ITGA9: variants seen among roughly 807,000 people sequenced by gnomAD.
The protein encoded by ITGA9 is integrin subunit alpha 9, also known as integrin alpha-9.
In ITGA9, 56 loss-of-function variants were observed where a neutral mutation model predicts 127.8. The ratio of observed to expected loss-of-function variants is 0.44; its 90% CI spans 0.35 to 0.55. ITGA9 has a LOEUF of 0.55. ITGA9 is among the 20% of genes least tolerant of loss of function. The pLI is 0.00. For missense variants in ITGA9, 1,196 were observed against 1,347.1 expected, an observed-to-expected ratio of 0.89 and a Z score of 1.76; for synonymous variants, 508 against 514.5, an observed-to-expected ratio of 0.99 and a Z score of 0.17.
chr3:37,592,300 A>G (rs1371570187), intron 15 of ITGA9, among the ~76,000 whole-genome samples: 1 of 152,170 alleles, frequency 6.6e-6, no homozygotes, highest in Non-Finnish European at 1.5e-5. Context: ...GTGTCAGTCA[A>G]ATAAGGCTAT....
At chr3:37,622,579 A>T (rs1269588304) in intron 15 of ITGA9, among the ~76,000 whole-genome samples, 1 of 152,160 alleles carries the variant, frequency 6.6e-6, no homozygotes, top group Non-Finnish European at 1.5e-5. Context: ...GCAGTGGCTT[A>T]TATCTGCAAT....
At chr3:37,570,634 A>G (rs1699591120) in intron 15 of ITGA9, among the ~76,000 whole-genome samples, 1 of 152,208 alleles carries the variant, frequency 6.6e-6, no homozygotes, top group Non-Finnish European at 1.5e-5. Context: ...GAACATTTGC[A>G]CCTTTCACCA....
rs952194800 is a variant in ITGA9, at chr3:37,688,658, G to A, written c.2067+4643G>A. On this transcript the variant is annotated intron_variant, in intron 18 of 27. Transcript: ENST00000264741. The stretch of plus-strand genomic sequence containing the variant: ...CCCCACATACTCACTTGAATCAGTC[G>A]CCACTTAATACCAAAGCTGCCTTTA... Among the ~76,000 whole-genome samples the A allele has an allele frequency of 4.6e-5, 7 of 151,964 alleles. No homozygotes were observed. The East Asian group carries it at 5.8e-4, about 13-fold the overall frequency.
chr3:37,614,281 G>A (rs1380910242), intron 15 of ITGA9, among the ~76,000 whole-genome samples: 2 of 152,048 alleles, frequency 1.3e-5, no homozygotes, highest in Non-Finnish European at 2.9e-5. Context: ...TTGTAGATAT[G>A]CGGCATTATT....
intron 16 of ITGA9, among the ~76,000 whole-genome samples, chr3:37,642,106 T>TA (rs1434046893): frequency 1.5e-4 from 22 of 150,174 alleles, no homozygotes; most frequent in South Asian, 6.3e-4. Context: ...CCTGGCTATT[T>TA]AAAAAAAAAA....
intron 27 of ITGA9, among the ~76,000 whole-genome samples, chr3:37,810,223 A>T (rs6801018): frequency 0.039 from 5,869 of 152,264 alleles, 152 homozygotes; most frequent in Middle Eastern, 0.078. Flanking sequence ...GTGAATCGTG[A>T]CATGGTACTG....
chr3:37,602,094 C>G (rs1403684950), intron 15 of ITGA9, among the ~76,000 whole-genome samples: 1 of 152,140 alleles, frequency 6.6e-6, no homozygotes, highest in East Asian at 1.9e-4. Flanking sequence ...GTCCCCATGA[C>G]CCAAGCACCT....
chr3:37,503,819 T>C (rs911751709), intron 6 of ITGA9, among the ~76,000 whole-genome samples: 2 of 152,220 alleles, frequency 1.3e-5, no homozygotes, highest in African/African-American at 4.8e-5. Flanking sequence ...GGAAAGAAGA[T>C]AGACACAATT....
At chr3:37,543,872 C>T (rs1699300135) in intron 15 of ITGA9, among the ~76,000 whole-genome samples, 1 of 152,240 alleles carries the variant, frequency 6.6e-6, no homozygotes, top group African/African-American at 2.4e-5. Flanking sequence ...CTGCCCAGAC[C>T]AGCTGCCTGA....
chr3:37,663,214 T>C (rs1700554853), intron 17 of ITGA9, among the ~76,000 whole-genome samples: 1 of 152,210 alleles, frequency 6.6e-6, no homozygotes, highest in Non-Finnish European at 1.5e-5. Flanking sequence ...ATGTTTTGTC[T>C]TTTTGAATAC....
At chr3:37,683,797 C>T in intron 17 of ITGA9, 68 bp from the exon 18 acceptor site, 1 of 1,529,954 alleles carries the variant, frequency 6.5e-7, no homozygotes, top group South Asian at 1.1e-5. Context: ...CCTTCAACTA[C>T]CCCCTGTGCC....
chr3:37,601,837 C>T (rs574740345), intron 15 of ITGA9, among the ~76,000 whole-genome samples: 9 of 152,256 alleles, frequency 5.9e-5, no homozygotes, highest in South Asian at 2.1e-4. Flanking sequence ...GATGTGTATT[C>T]GGCTCATGGT....
At chr3:37,583,792 T>A (rs1241083650) in intron 15 of ITGA9, among the ~76,000 whole-genome samples, 1 of 152,192 alleles carries the variant, frequency 6.6e-6, no homozygotes, top group Non-Finnish European at 1.5e-5. Context: ...CAAGGCTGGG[T>A]GTAAATTAAA....
intron 18 of ITGA9, among the ~76,000 whole-genome samples, chr3:37,725,554 G>A (rs555464302): frequency 5.6e-4 from 85 of 152,268 alleles, no homozygotes; most frequent in African/African-American, 1.7e-3. Context: ...GAATGTGCCC[G>A]GCTCACATCC....
intron 17 of ITGA9, among the ~76,000 whole-genome samples, chr3:37,659,790 G>T (rs1228874668): frequency 6.6e-6 from 1 of 151,970 alleles, no homozygotes; most frequent in Non-Finnish European, 1.5e-5. Flanking sequence ...CAACCTTTTT[G>T]TGCTAGTTTT....
chr3:37,597,943 G>A lies in ITGA9; in HGVS notation c.1690-31244G>A, dbSNP rs866799330. On this transcript the variant is annotated intron_variant, in intron 15 of 27. Coordinates refer to ENST00000264741, the MANE Select transcript of ITGA9 (RefSeq NM_002207.3). This position sits in a 1 kb window ranked among gnomAD's most constrained non-coding sequence, Gnocchi z 4.6. ...GCCAGCCTGGGCATATTCACGTGGAGACTGAGAAGCACGAGAAGGCAGAAT... is the reference window on the plus strand; with the variant it reads ...GCCAGCCTGGGCATATTCACGTGGAAACTGAGAAGCACGAGAAGGCAGAAT... Among the ~76,000 whole-genome samples the A allele has an allele frequency of 3.0e-4, 46 of 152,368 alleles. No individual in the cohort carries two copies. Among genetic ancestry groups the A allele is most frequent in the African/African-American group, 1.1e-3 (45 of 41,582 alleles).
chr3:37,487,499 A>G (rs1278851892), intron 4 of ITGA9, among the ~76,000 whole-genome samples: 1 of 152,208 alleles, frequency 6.6e-6, no homozygotes, highest in Non-Finnish European at 1.5e-5. Context: ...AGACTACCTA[A>G]ACTGCATCTT....
intron 18 of ITGA9, among the ~76,000 whole-genome samples, chr3:37,724,042 C>T (rs1701219663): frequency 6.6e-6 from 1 of 152,184 alleles, no homozygotes; most frequent in South Asian, 2.1e-4. Context: ...AAGTTCTTCA[C>T]AGCTGGATCT....
At chr3:37,774,554 GC>G (rs1311608952) in intron 23 of ITGA9, among the ~76,000 whole-genome samples, 1 of 149,572 alleles carries the variant, frequency 6.7e-6, no homozygotes, top group East Asian at 1.9e-4. Context: ...AAAGAAACCA[GC>G]AAAAAACAAA....
Sources: gnomAD v4.1 joint callset for allele counts (sites outside exome capture counted in the v4.1 genomes callset) on GRCh38, gnomAD v4.1.1 for gene constraint, Gnocchi (gnomAD v3.1) non-coding constraint, MANE v1.5 for transcripts, NCBI Gene and HGNC (gene_info 2026-07-23, HGNC 2026-07-21) for gene names.